Variants in ANKS1B observed in about 807,000 individuals in gnomAD.
ANKS1B encodes ankyrin repeat and sterile alpha motif domain containing 1B.
ANKS1B carries 36 observed loss-of-function variants against 148.3 expected under a neutral mutation model. The ratio of observed to expected loss-of-function variants is 0.24; its 90% CI spans 0.19 to 0.32. ANKS1B has a LOEUF of 0.32. Ranked by LOEUF, ANKS1B falls within the 10% of genes least tolerant of loss-of-function variation. The probability of loss-of-function intolerance (pLI) is 1.00; values close to 1 mark genes in which losing one functional copy is unlikely to be tolerated. For synonymous variants in ANKS1B, 542 were observed against 560.8 expected, an observed-to-expected ratio of 0.97 and a Z score of 0.47; for missense variants, 1,157 against 1,542.6, an observed-to-expected ratio of 0.75 and a Z score of 4.19.
At chr12:99,226,668 C>T (rs1009500605) in intron 14 of ANKS1B, among the ~76,000 whole-genome samples, 1 of 152,062 alleles carries the variant, frequency 6.6e-6, no homozygotes, top group African/African-American at 2.4e-5. Context: ...GAGATAAAAC[C>T]GTGGAAATGT....
chr12:99,221,205 T>C (rs1311078703), intron 14 of ANKS1B, among the ~76,000 whole-genome samples: 1 of 151,976 alleles, frequency 6.6e-6, no homozygotes, highest in Non-Finnish European at 1.5e-5. Flanking sequence ...CCAGGCATGG[T>C]GGCGGGCACC....
At chr12:99,033,423 G>T (rs1006374168) in intron 17 of ANKS1B, among the ~76,000 whole-genome samples, 1 of 152,102 alleles carries the variant, frequency 6.6e-6, no homozygotes. Flanking sequence ...TATACTCCAG[G>T]GTGGTAGAGC....
intron 12 of ANKS1B, among the ~76,000 whole-genome samples, chr12:99,280,091 C>G (rs1056979235): frequency 2.6e-5 from 4 of 151,864 alleles, no homozygotes; most frequent in Non-Finnish European, 1.5e-5. Flanking sequence ...GATATTTTAT[C>G]CAAATATCAA....
intron 11 of ANKS1B, among the ~76,000 whole-genome samples, chr12:99,440,838 G>A (rs1038425167): frequency 6.6e-6 from 1 of 151,724 alleles, no homozygotes; most frequent in Non-Finnish European, 1.5e-5. Context: ...AGGTATACAA[G>A]AGGCAAAGGA....
intron 14 of ANKS1B, among the ~76,000 whole-genome samples, chr12:99,178,276 G>A (rs1361101927): frequency 6.6e-6 from 1 of 152,194 alleles, no homozygotes; most frequent in Non-Finnish European, 1.5e-5. Context: ...CCACAGGGGT[G>A]TCTGTAGGCC....
intron 1 of ANKS1B, among the ~76,000 whole-genome samples, chr12:99,873,329 T>C (rs1053199258): frequency 2.6e-5 from 4 of 152,188 alleles, no homozygotes; most frequent in African/African-American, 4.8e-5. Context: ...TATCAGTATA[T>C]GAAGTCTTCT....
intron 17 of ANKS1B, among the ~76,000 whole-genome samples, chr12:98,960,847 T>A (rs1481227577): frequency 1.3e-5 from 2 of 152,082 alleles, no homozygotes; most frequent in African/African-American, 4.8e-5. Context: ...ATTCTGGAGT[T>A]GAAAAATGCA....
chr12:99,223,695 G>A (rs1441765298), intron 14 of ANKS1B, among the ~76,000 whole-genome samples: 1 of 152,188 alleles, frequency 6.6e-6, no homozygotes, highest in East Asian at 1.9e-4. Flanking sequence ...CTGGTCTGTG[G>A]TCTGGGGGTT....
At chr12:98,922,575 T>C (rs1417288362) in intron 17 of ANKS1B, among the ~76,000 whole-genome samples, 1 of 152,210 alleles carries the variant, frequency 6.6e-6, no homozygotes, top group Non-Finnish European at 1.5e-5. Flanking sequence ...CTCGGCTCAC[T>C]GCAACCTCTG....
chr12:98,977,121 C>T (rs565661572), intron 17 of ANKS1B, among the ~76,000 whole-genome samples: 2 of 152,274 alleles, frequency 1.3e-5, no homozygotes, highest in Non-Finnish European at 2.9e-5. Context: ...GCATCATTGG[C>T]TATTCATAGT....
At chr12:98,860,035 A>C (rs1283251476) in intron 17 of ANKS1B, among the ~76,000 whole-genome samples, 1 of 152,264 alleles carries the variant, frequency 6.6e-6, no homozygotes, top group Non-Finnish European at 1.5e-5. Flanking sequence ...TGGAATGAAC[A>C]GTTCTTACCA....
intron 17 of ANKS1B, among the ~76,000 whole-genome samples, chr12:98,922,057 T>C (rs2099802131): frequency 6.6e-6 from 1 of 152,234 alleles, no homozygotes; most frequent in African/African-American, 2.4e-5. Context: ...AGTTCTTTCC[T>C]TTCACACATT....
chr12:99,474,534 C>T (rs974852829), intron 10 of ANKS1B, among the ~76,000 whole-genome samples: 2 of 151,860 alleles, frequency 1.3e-5, no homozygotes, highest in African/African-American at 4.8e-5. Context: ...AAGTTCTATC[C>T]TGCTCATTAG....
At chr12:99,467,797 A>G (rs2152890182) in intron 10 of ANKS1B, among the ~76,000 whole-genome samples, 1 of 152,362 alleles carries the variant, frequency 6.6e-6, no homozygotes, top group South Asian at 2.1e-4. Context: ...AGAGGATACA[A>G]AGAAATGGAA....
At position 98,895,037 on chromosome 12, in the gene ANKS1B, G is replaced by A. The variant is rs1036055044; in HGVS notation, c.2779-62901C>T. Reference sequence around the variant, plus strand: ...TCCTCCCCCGAACGCCGTCTCCAGGGCTGCTGGCTGCGCTCTCCATTGTTC... The same window carrying A: ...TCCTCCCCCGAACGCCGTCTCCAGGACTGCTGGCTGCGCTCTCCATTGTTC... On this transcript the variant is annotated intron_variant, in intron 17 of 26. Coordinates refer to ENST00000683438, the MANE Select transcript of ANKS1B (RefSeq NM_001352186.2). 16 of 889,784 alleles carry A rather than the reference G, an allele frequency of 1.8e-5. No individual in the cohort carries two copies. In the African/African-American group the frequency reaches 2.2e-4, roughly 12 times the overall value. The allele number at this position is 889,784 out of a possible 1,614,324, so 55.1% of individuals were successfully genotyped here.
chr12:99,612,138 C>T (rs1262592656), intron 9 of ANKS1B, among the ~76,000 whole-genome samples: 1 of 151,952 alleles, frequency 6.6e-6, no homozygotes, highest in African/African-American at 2.4e-5. Context: ...TTTCTTAAGC[C>T]CCAAGCAATG....
chr12:99,684,368 CAA>C (rs572669891), intron 8 of ANKS1B, among the ~76,000 whole-genome samples: 19 of 82,488 alleles, frequency 2.3e-4, no homozygotes, highest in Non-Finnish European at 3.6e-4. Context: ...ACAACAGCTG[CAA>C]AAAAAAAAAA....
rs1425580612 is a variant in ANKS1B, at chr12:99,585,273, G to A, written c.1272+69794C>T. 3.9e-5 allele frequency among the ~76,000 whole-genome samples: 6 copies of A among 152,254 alleles called. No individual in the cohort carries two copies. In the East Asian group the frequency reaches 1.2e-3, roughly 29 times the overall value. ...CCCCAGGCAAGTCCAAAATCCAGCA[G>A]GGCAGTAAAATTTTAAAGCTCCAAA... On this transcript the variant is annotated intron_variant, in intron 9 of 26. Transcript: ENST00000683438.
intron 16 of ANKS1B, among the ~76,000 whole-genome samples, chr12:99,078,756 C>A (rs1477737950): frequency 6.6e-6 from 1 of 151,264 alleles, no homozygotes; most frequent in Non-Finnish European, 1.5e-5. Context: ...ACCCTGCCCG[C>A]CCTACCCCAT....
Sources: allele counts gnomAD v4.1 joint callset (sites outside exome capture counted in the v4.1 genomes callset), GRCh38; gene constraint gnomAD v4.1.1; transcripts MANE v1.5; gene names NCBI Gene and HGNC (gene_info 2026-07-23, HGNC 2026-07-21).